NEK11: variants seen among roughly 807,000 people sequenced by gnomAD.
NEK11 encodes the protein serine/threonine-protein kinase Nek11.
Under a neutral mutation model 80.7 loss-of-function variants are expected in NEK11, and 72 were observed. The observed-to-expected ratio is 0.89, with a 90% confidence interval of 0.74 to 1.08. The LOEUF (loss-of-function observed/expected upper bound fraction) is 1.08, where lower values mean the gene tolerates loss of function less well. NEK11 is among the 50% of genes least tolerant of loss of function. The pLI is 0.00. For missense variants in NEK11, 764 were observed against 763.6 expected, an observed-to-expected ratio of 1.00 and a Z score of -0.01; for synonymous variants, 251 against 260.7, an observed-to-expected ratio of 0.96 and a Z score of 0.36.
chr3:131,165,685 G>A (rs556138008), intron 12 of NEK11, among the ~76,000 whole-genome samples, 166 bp downstream of exon 12: 2 of 152,296 alleles, frequency 1.3e-5, no homozygotes, highest in Non-Finnish European at 2.9e-5. Flanking sequence ...TGGTGACAAC[G>A]ATTCAAAGCG....
intron 17 of NEK11, chr3:131,327,273 C>A (rs1324774340): frequency 1.3e-5 from 2 of 152,252 alleles, no homozygotes; most frequent in Non-Finnish European, 2.9e-5. Flanking sequence ...TGTCAGTTTG[C>A]AGACCCCTGG....
At chr3:131,343,310 C>G (rs1229766028) in intron 17 of NEK11, among the ~76,000 whole-genome samples, 1 of 152,088 alleles carries the variant, frequency 6.6e-6, no homozygotes. Context: ...GGCCAGGATC[C>G]AGAGCACTCA....
At position 131,168,936 on chromosome 3, in the gene NEK11, A is replaced by T; in HGVS notation, c.1283A>T (p.Glu428Val). The T allele has an allele frequency of 1.2e-6, 2 of 1,612,318 alleles. No homozygotes were observed. The highest frequency in any genetic ancestry group is 1.7e-4 in the Middle Eastern group (1 of 6,054). ...EDEERWQGREEESDEPTLENL... is the reference protein window; with the variant it reads ...EDEERWQGREVESDEPTLENL... ...GAAGAGAGGTGGCAAGGCAGGGAAG[A>T]GGCAAGTTTAATCATATTCACAAGC... The change falls in exon 13 of 18, where the codon GAG (glutamate) becomes GTG (valine). Residue 428 changes from glutamate to valine, a missense_variant and splice_region_variant. Transcript: ENST00000383366.
chr3:131,062,706 G>A (rs548717714), intron 3 of NEK11, among the ~76,000 whole-genome samples: 52 of 152,302 alleles, frequency 3.4e-4, no homozygotes, highest in Middle Eastern at 3.4e-3. Context: ...CCTTCACTCA[G>A]CATTGTGTTT....
intron 14 of NEK11, among the ~76,000 whole-genome samples, chr3:131,181,575 T>C (rs1380480162): frequency 1.3e-5 from 2 of 151,736 alleles, no homozygotes; most frequent in African/African-American, 4.8e-5. Context: ...TGAAACCCCA[T>C]CTCTACTAAA....
intron 11 of NEK11, among the ~76,000 whole-genome samples, chr3:131,162,850 T>A (rs1432613779): frequency 6.6e-6 from 1 of 152,158 alleles, no homozygotes; most frequent in Non-Finnish European, 1.5e-5. Flanking sequence ...GCAGGAGACA[T>A]CACTGTTTCA....
intron 14 of NEK11, 88 bp from the exon 15 acceptor site, chr3:131,228,440 A>G (rs1368308368): frequency 1.6e-6 from 2 of 1,220,248 alleles, no homozygotes; most frequent in African/African-American, 1.5e-5. Flanking sequence ...CGCAAGCAAA[A>G]TATACATCCC....
intron 16 of NEK11, among the ~76,000 whole-genome samples, chr3:131,259,030 A>G (rs1163118750): frequency 1.3e-5 from 2 of 152,178 alleles, no homozygotes; most frequent in African/African-American, 2.4e-5. Context: ...TACTAGAGCC[A>G]TAGAAGATAG....
intron 3 of NEK11, among the ~76,000 whole-genome samples, chr3:131,065,502 A>G (rs1198934475): frequency 6.6e-6 from 1 of 152,188 alleles, no homozygotes; most frequent in Non-Finnish European, 1.5e-5. Context: ...ACCAAGTGTA[A>G]TGATACTAAA....
At chr3:131,283,918 T>C (rs151235836) in intron 17 of NEK11, among the ~76,000 whole-genome samples, 98 of 152,324 alleles carry the variant, frequency 6.4e-4, no homozygotes, top group African/African-American at 2.1e-3. Flanking sequence ...TTAAAGAGCC[T>C]GTCAGACCTC....
At chr3:131,028,541 C>T (rs2109188005) in intron 2 of NEK11, among the ~76,000 whole-genome samples, 1 of 149,026 alleles carries the variant, frequency 6.7e-6, no homozygotes, top group South Asian at 2.2e-4. Context: ...TGAAACAGTC[C>T]TGCCTTTCTT....
At chr3:131,048,696 G>T (rs1012321949) in intron 3 of NEK11, among the ~76,000 whole-genome samples, 5 of 152,138 alleles carry the variant, frequency 3.3e-5, no homozygotes, top group African/African-American at 1.2e-4. Flanking sequence ...GGATCCTCTC[G>T]CTTTCCTGGT....
intron 3 of NEK11, among the ~76,000 whole-genome samples, chr3:131,062,815 C>T (rs959568924): frequency 6.6e-6 from 1 of 152,172 alleles, no homozygotes; most frequent in African/African-American, 2.4e-5. Flanking sequence ...ACCACCACAT[C>T]ATCTCCTCTA....
At chr3:131,071,385 T>C (rs2073269677) in intron 3 of NEK11, among the ~76,000 whole-genome samples, 1 of 152,022 alleles carries the variant, frequency 6.6e-6, no homozygotes, top group African/African-American at 2.4e-5. Flanking sequence ...TAAGAATTCT[T>C]TTTTTCTTGG....
At chr3:131,044,455 G>C (rs575247799) in intron 3 of NEK11, among the ~76,000 whole-genome samples, 9 of 148,312 alleles carry the variant, frequency 6.1e-5, no homozygotes, top group Admixed American at 1.3e-4. Context: ...GTGGGGGGGG[G>C]GGTTGGAATC....
chr3:131,046,961 C>G (rs2067493535), intron 3 of NEK11, among the ~76,000 whole-genome samples: 1 of 152,178 alleles, frequency 6.6e-6, no homozygotes, highest in Non-Finnish European at 1.5e-5. Flanking sequence ...AGCATAATCT[C>G]AAACCTCTTG....
chr3:131,069,190 T>A (rs951772683), intron 3 of NEK11, among the ~76,000 whole-genome samples: 1 of 152,196 alleles, frequency 6.6e-6, no homozygotes, highest in African/African-American at 2.4e-5. Context: ...TAGATTATAA[T>A]TTAATTTTAC....
intron 17 of NEK11, among the ~76,000 whole-genome samples, chr3:131,332,371 C>T (rs1342569562): frequency 6.6e-6 from 1 of 152,220 alleles, no homozygotes; most frequent in Non-Finnish European, 1.5e-5. Context: ...TGGAGTGGAC[C>T]TCTAGCAAAC....
At chr3:131,219,761 T>G (rs1313007157) in intron 14 of NEK11, among the ~76,000 whole-genome samples, 1 of 152,050 alleles carries the variant, frequency 6.6e-6, no homozygotes, top group African/African-American at 2.4e-5. Flanking sequence ...CTGTGGTATC[T>G]TCTCATTACA....
Sources: allele counts gnomAD v4.1 joint callset (sites outside exome capture counted in the v4.1 genomes callset), GRCh38; gene constraint gnomAD v4.1.1; transcripts MANE v1.5; gene names NCBI Gene and HGNC (gene_info 2026-07-23, HGNC 2026-07-21).